The following PTK2 variants were observed in gnomAD, a reference collection of about 807,000 sequenced individuals.
PTK2 encodes focal adhesion kinase 1.
In PTK2, 45 loss-of-function variants were observed where a neutral mutation model predicts 150.1. The ratio of observed to expected loss-of-function variants is 0.30; its 90% CI spans 0.24 to 0.38. The LOEUF (loss-of-function observed/expected upper bound fraction) is 0.38. Ranked by LOEUF, PTK2 falls within the 10% of genes least tolerant of loss-of-function variation. The pLI, the probability that PTK2 is intolerant of heterozygous loss-of-function variation, is 1.00. For missense variants in PTK2, 919 were observed against 1,307.3 expected (o/e 0.70, Z 4.58); for synonymous variants, 432 against 449.2 (o/e 0.96, Z 0.48).
At chr8:140,831,502 T>C (rs573751247) in intron 7 of PTK2, among the ~76,000 whole-genome samples, 2 of 152,354 alleles carry the variant, frequency 1.3e-5, no homozygotes, top group Admixed American at 6.5e-5. Flanking sequence ...ACCAGAGACA[T>C]CATGTCAGTT....
chr8:140,728,247 A>G (rs898985402), intron 22 of PTK2, among the ~76,000 whole-genome samples: 5 of 152,124 alleles, frequency 3.3e-5, no homozygotes, highest in African/African-American at 1.2e-4. Flanking sequence ...ATGTTCCCCA[A>G]GGATATTAAG....
At chr8:140,852,137 GATA>G (rs1762537024) in intron 5 of PTK2, among the ~76,000 whole-genome samples, 1 of 152,146 alleles carries the variant, frequency 6.6e-6, no homozygotes, top group Admixed American at 6.5e-5. Flanking sequence ...AATTCCCGAA[GATA>G]ATAAACTGAG....
chr8:140,953,709 G>A (rs2100180263), intron 1 of PTK2, among the ~76,000 whole-genome samples: 1 of 150,270 alleles, frequency 6.7e-6, no homozygotes, highest in Non-Finnish European at 1.5e-5. Flanking sequence ...ACTGGGGGGA[G>A]GGAGCTGCTC....
intron 2 of PTK2, among the ~76,000 whole-genome samples, chr8:140,905,154 C>T (rs1278681463): frequency 6.6e-6 from 1 of 152,082 alleles, no homozygotes; most frequent in African/African-American, 2.4e-5. Flanking sequence ...TCCCTCTAAA[C>T]ACTGCTTTAG....
intron 2 of PTK2, among the ~76,000 whole-genome samples, chr8:140,897,106 A>G (rs1296413717): frequency 6.6e-6 from 1 of 152,218 alleles, no homozygotes; most frequent in Non-Finnish European, 1.5e-5. Flanking sequence ...AAGATATGCT[A>G]GCAATGAAAA....
intron 31 of PTK2, chr8:140,662,869 C>A (rs1563803023): frequency 3.3e-5 from 14 of 424,198 alleles, no homozygotes; most frequent in Non-Finnish European, 5.5e-5. Context: ...TAAGAATACT[C>A]TATAAAATCA....
intron 5 of PTK2, among the ~76,000 whole-genome samples, chr8:140,862,760 T>C (rs1398511150): frequency 6.6e-6 from 1 of 152,156 alleles, no homozygotes; most frequent in African/African-American, 2.4e-5. Flanking sequence ...GGATCTAGGT[T>C]GCGCATTCCT....
chr8:140,723,289 G>A (rs994307354), intron 22 of PTK2, among the ~76,000 whole-genome samples: 20 of 152,130 alleles, frequency 1.3e-4, no homozygotes, highest in Non-Finnish European at 2.1e-4. Flanking sequence ...TTAAACATCC[G>A]AGTTGTTCCT....
chr8:140,845,810 T>C (rs1156267552), intron 7 of PTK2, among the ~76,000 whole-genome samples: 1 of 152,182 alleles, frequency 6.6e-6, no homozygotes, highest in Non-Finnish European at 1.5e-5. Flanking sequence ...TACAATCTAA[T>C]ATAACAGTCT....
chr8:140,756,552 C>T (rs1468031305), intron 16 of PTK2, among the ~76,000 whole-genome samples: 1 of 151,296 alleles, frequency 6.6e-6, no homozygotes, highest in Non-Finnish European at 1.5e-5. Flanking sequence ...ACAAAATTAG[C>T]CGGGTGTGGT....
At chr8:140,884,054 G>A (rs780277008) in intron 3 of PTK2, among the ~76,000 whole-genome samples, 36 of 151,858 alleles carry the variant, frequency 2.4e-4, no homozygotes, top group African/African-American at 7.5e-4. Context: ...CACTGACCAC[G>A]GTTAAGAAAA....
At chr8:140,836,255 T>C (rs1030248466) in intron 7 of PTK2, among the ~76,000 whole-genome samples, 3 of 152,206 alleles carry the variant, frequency 2.0e-5, no homozygotes, top group Non-Finnish European at 4.4e-5. Context: ...TTTCACTTTA[T>C]GTCGTTTCAC....
At chr8:140,850,750 A>C (rs1194672450) in intron 5 of PTK2, among the ~76,000 whole-genome samples, 2 of 152,132 alleles carry the variant, frequency 1.3e-5, no homozygotes, top group African/African-American at 4.8e-5. Context: ...AAGAAAAAAA[A>C]ACTAGGATGG....
intron 14 of PTK2, among the ~76,000 whole-genome samples, chr8:140,767,617 C>CTGG (rs2100073081): frequency 6.6e-6 from 1 of 152,074 alleles, no homozygotes; most frequent in Non-Finnish European, 1.5e-5. Flanking sequence ...TCCCAAATAG[C>CTGG]TGGAACTACA....
intron 10 of PTK2, among the ~76,000 whole-genome samples, chr8:140,813,376 TA>T (rs2100102756): frequency 6.7e-6 from 1 of 149,480 alleles, no homozygotes; most frequent in Non-Finnish European, 1.5e-5. Context: ...GGGACACAGG[TA>T]AGGCAGTGTA....
intron 16 of PTK2, 44 bp downstream of exon 19, chr8:140,761,121 T>G: frequency 7.7e-7 from 1 of 1,296,474 alleles, no homozygotes; most frequent in Non-Finnish European, 1.1e-6. Flanking sequence ...TAAACTTAAA[T>G]AGTCAAAATT....
chr8:140,829,233 A>G (rs918479016), intron 8 of PTK2, among the ~76,000 whole-genome samples: 2 of 152,202 alleles, frequency 1.3e-5, no homozygotes, highest in African/African-American at 2.4e-5. Flanking sequence ...CAACACCTTT[A>G]TATCTATTTT....
intron 29 of PTK2, 27 bp downstream of exon 33, chr8:140,669,700 A>G (rs1236933789): frequency 6.5e-7 from 1 of 1,531,916 alleles, no homozygotes; most frequent in African/African-American, 1.4e-5. Flanking sequence ...AGAGCTGGAC[A>G]GACACACAAA....
chr8:140,924,976 C>G (rs1484060376), intron 2 of PTK2, among the ~76,000 whole-genome samples: 2 of 152,054 alleles, frequency 1.3e-5, no homozygotes, highest in Non-Finnish European at 2.9e-5. Flanking sequence ...ACAATTTTGT[C>G]CAATCTGACT....
Sources: allele counts gnomAD v4.1 joint callset (sites outside exome capture counted in the v4.1 genomes callset), GRCh38; gene constraint gnomAD v4.1.1; transcripts MANE v1.5; gene names NCBI Gene and HGNC (gene_info 2026-07-23, HGNC 2026-07-21).